PRR16: variants seen among roughly 807,000 people sequenced by gnomAD.
The protein encoded by PRR16 is proline rich 16.
In PRR16, 6 loss-of-function variants were observed where a neutral mutation model predicts 18.2. The observed-to-expected ratio is 0.33, with a 90% confidence interval of 0.18 to 0.65. PRR16 has a LOEUF of 0.65. Ranked by LOEUF, PRR16 falls within the 30% of genes least tolerant of loss-of-function variation. PRR16 has a pLI of 0.74. For synonymous variants in PRR16, 151 were observed against 147.8 expected, an observed-to-expected ratio of 1.02 and a Z score of -0.16; for missense variants, 412 against 376.6, an observed-to-expected ratio of 1.09 and a Z score of -0.78.
At chr5:120,569,313 G>T (rs188076714) in intron 1 of PRR16, among the ~76,000 whole-genome samples, 6 of 152,124 alleles carry the variant, frequency 3.9e-5, no homozygotes, top group Non-Finnish European at 8.8e-5. Flanking sequence ...AGAGAATACA[G>T]TTTGATGCTC....
intron 1 of PRR16, among the ~76,000 whole-genome samples, chr5:120,508,340 ACT>A (rs1317639659): frequency 6.6e-6 from 1 of 152,034 alleles, no homozygotes; most frequent in Non-Finnish European, 1.5e-5. Context: ...GTTATGCAAA[ACT>A]CTGTGTGCTG....
chr5:120,597,019 T>G (rs1753835731), intron 1 of PRR16, among the ~76,000 whole-genome samples: 1 of 150,888 alleles, frequency 6.6e-6, no homozygotes, highest in South Asian at 2.1e-4. Context: ...CAATCATGGT[T>G]TTCTAATTTT....
At chr5:120,767,889 T>C in the PRR16 span, among the ~76,000 whole-genome samples, 2 of 151,834 alleles carry the variant, frequency 1.3e-5, no homozygotes, top group African/African-American at 4.8e-5. Flanking sequence ...GACTGAGCTC[T>C]TGCTACTCCA....
intron 1 of PRR16, among the ~76,000 whole-genome samples, chr5:120,601,698 G>T (rs990463830): frequency 1.3e-5 from 2 of 151,896 alleles, no homozygotes; most frequent in African/African-American, 2.4e-5. Flanking sequence ...ATAGTGTGAG[G>T]CCTTACATTT....
rs188362669 is a variant in PRR16 at position 120,520,878 on chromosome 5, T to C, written c.159+56233T>C. Among the ~76,000 whole-genome samples, 5 of 152,284 alleles carry C rather than the reference T, an allele frequency of 3.3e-5. No individual in the cohort carries two copies. The East Asian group carries it at 9.6e-4, about 29-fold the overall frequency. On this transcript the variant is annotated intron_variant, in intron 1 of 1. Coordinates refer to ENST00000407149, the MANE Select transcript of PRR16 (RefSeq NM_001300783.2). The stretch of plus-strand genomic sequence containing the variant: ...TTATATATTTTCTTTTAATTTATTT[T>C]ATTTTGAATTTGGGAAACATTACTT...
chr5:120,665,044 A>G (rs915841766), intron 1 of PRR16, among the ~76,000 whole-genome samples: 1 of 149,164 alleles, frequency 6.7e-6, no homozygotes, highest in African/African-American at 2.5e-5. Context: ...TGACTTCCAC[A>G]ATGGTTGAAC....
intron 1 of PRR16, among the ~76,000 whole-genome samples, chr5:120,547,595 G>C (rs937678544): frequency 6.6e-6 from 1 of 151,440 alleles, no homozygotes; most frequent in Non-Finnish European, 1.5e-5. Context: ...CTATCTTTTG[G>C]CATTATCTGT....
the PRR16 span, among the ~76,000 whole-genome samples, chr5:120,749,014 T>C: frequency 7.9e-5 from 12 of 152,170 alleles, no homozygotes; most frequent in Non-Finnish European, 1.5e-4. Context: ...TTCTGTTTTA[T>C]ATGCCACCTC....
the PRR16 span, among the ~76,000 whole-genome samples, chr5:120,709,753 T>C: frequency 2.0e-5 from 3 of 152,300 alleles, no homozygotes; most frequent in South Asian, 4.1e-4. Context: ...TTTCTATGCG[T>C]GATTTATTTC....
intron 1 of PRR16, among the ~76,000 whole-genome samples, chr5:120,573,913 A>ATG (rs1752982897): frequency 6.6e-6 from 1 of 151,938 alleles, no homozygotes; most frequent in South Asian, 2.1e-4. Context: ...GTATATATAT[A>ATG]TATATCAAAC....
intron 1 of PRR16, among the ~76,000 whole-genome samples, chr5:120,477,708 A>C (rs1304763807): frequency 6.6e-6 from 1 of 152,140 alleles, no homozygotes; most frequent in Non-Finnish European, 1.5e-5. Flanking sequence ...TGTAGCTTTG[A>C]GGCCTTTCAC....
At chr5:120,483,146 A>G (rs1205530369) in intron 1 of PRR16, among the ~76,000 whole-genome samples, 1 of 152,186 alleles carries the variant, frequency 6.6e-6, no homozygotes, top group East Asian at 1.9e-4. Context: ...AGAGTCACTC[A>G]GGAATCCAGC....
intron 1 of PRR16, among the ~76,000 whole-genome samples, chr5:120,476,707 A>G (rs1006994698): frequency 2.6e-5 from 4 of 152,054 alleles, no homozygotes; most frequent in African/African-American, 9.7e-5. Flanking sequence ...TCTCCCCTAA[A>G]TGATTCCTGC....
chr5:120,762,669 G>A, the PRR16 span, among the ~76,000 whole-genome samples: 1 of 152,038 alleles, frequency 6.6e-6, no homozygotes, highest in Non-Finnish European at 1.5e-5. Flanking sequence ...AGTACCTTGT[G>A]TGTTCTAGAT....
the PRR16 span, among the ~76,000 whole-genome samples, chr5:120,780,588 TTAC>T: frequency 6.6e-6 from 1 of 152,296 alleles, no homozygotes; most frequent in East Asian, 1.9e-4. Flanking sequence ...TATAATAATA[TTAC>T]AATTTTTTCA....
the PRR16 span, among the ~76,000 whole-genome samples, chr5:120,746,488 A>G: frequency 2.6e-5 from 4 of 152,196 alleles, no homozygotes; most frequent in Non-Finnish European, 5.9e-5. Context: ...ACTCGGAACT[A>G]AAACTACATC....
At chr5:120,543,827 A>G (rs1272501698) in intron 1 of PRR16, among the ~76,000 whole-genome samples, 1 of 152,152 alleles carries the variant, frequency 6.6e-6, no homozygotes, top group Admixed American at 6.5e-5. Context: ...TCATGGAGCT[A>G]TTACACTAAC....
the PRR16 span, among the ~76,000 whole-genome samples, chr5:120,736,705 T>A: frequency 6.6e-6 from 1 of 152,072 alleles, no homozygotes; most frequent in African/African-American, 2.4e-5. Flanking sequence ...ATATTAAGTC[T>A]TTCAATCATC....
intron 1 of PRR16, among the ~76,000 whole-genome samples, chr5:120,576,188 A>G (rs894627974): frequency 6.6e-6 from 1 of 152,194 alleles, no homozygotes; most frequent in Non-Finnish European, 1.5e-5. Context: ...TCTGCCCAAG[A>G]AAGAAAACAA....
Sources: allele counts gnomAD v4.1 joint callset (sites outside exome capture counted in the v4.1 genomes callset), GRCh38; gene constraint gnomAD v4.1.1; transcripts MANE v1.5; gene names NCBI Gene and HGNC (gene_info 2026-07-23, HGNC 2026-07-21).